SPAG16: variants seen among roughly 807,000 people sequenced by gnomAD.
SPAG16 encodes sperm-associated antigen 16 protein.
Under a neutral mutation model 80.4 loss-of-function variants are expected in SPAG16, and 86 were observed. The ratio of observed to expected loss-of-function variants is 1.07; its 90% CI spans 0.90 to 1.28. The LOEUF (loss-of-function observed/expected upper bound fraction) is 1.28. SPAG16 is among the 50% of genes most tolerant of loss of function. SPAG16 has a pLI of 0.00. For missense variants in SPAG16, 870 were observed against 765.3 expected (o/e 1.14, Z -1.61); for synonymous variants, 294 against 265.9 (o/e 1.11, Z -1.03).
intron 10 of SPAG16, among the ~76,000 whole-genome samples, chr2:213,840,637 G>A (rs1289244491): frequency 1.3e-5 from 2 of 152,108 alleles, no homozygotes; most frequent in East Asian, 1.9e-4. Flanking sequence ...TGTGGGAGAC[G>A]ACCAGTTAGA....
intron 9 of SPAG16, among the ~76,000 whole-genome samples, chr2:213,427,530 T>TTC (rs1483529349): frequency 6.6e-6 from 1 of 152,202 alleles, no homozygotes; most frequent in Non-Finnish European, 1.5e-5. Flanking sequence ...GCTTCTAATT[T>TTC]TCTGGTTCAC....
At chr2:214,340,606 A>G (rs6743075) in intron 15 of SPAG16, among the ~76,000 whole-genome samples, 148,293 of 152,318 alleles carry the variant, frequency 0.97, 72,339 homozygotes, top group Middle Eastern at 1. Context: ...AGCAGGCCTG[A>G]TGTATGTTGC....
intron 15 of SPAG16, among the ~76,000 whole-genome samples, chr2:214,362,643 T>G (rs1699254090): frequency 6.6e-6 from 1 of 151,844 alleles, no homozygotes; most frequent in South Asian, 2.1e-4. Context: ...AATATATGTT[T>G]AACAATTACT....
intron 9 of SPAG16, among the ~76,000 whole-genome samples, chr2:213,404,063 C>G (rs1391407718): frequency 6.6e-6 from 1 of 152,000 alleles, no homozygotes; most frequent in Admixed American, 6.6e-5. Flanking sequence ...AAAGAGGATA[C>G]AAACAAATGG....
At chr2:213,915,235 C>T (rs575389548) in intron 11 of SPAG16, among the ~76,000 whole-genome samples, 1 of 152,030 alleles carries the variant, frequency 6.6e-6, no homozygotes, top group East Asian at 1.9e-4. Flanking sequence ...ACCCATCAAC[C>T]CATCATCTAC....
intron 13 of SPAG16, among the ~76,000 whole-genome samples, chr2:214,092,714 A>G (rs1280890824): frequency 6.6e-6 from 1 of 151,998 alleles, no homozygotes; most frequent in Non-Finnish European, 1.5e-5. Flanking sequence ...CCAACCTTCT[A>G]AACTCAGCTC....
intron 15 of SPAG16, among the ~76,000 whole-genome samples, chr2:214,182,966 G>A (rs1259112005): frequency 6.6e-6 from 1 of 151,944 alleles, no homozygotes; most frequent in Non-Finnish European, 1.5e-5. Flanking sequence ...AGAGGTCATA[G>A]CGATGAAGTG....
intron 13 of SPAG16, among the ~76,000 whole-genome samples, chr2:214,086,537 A>C (rs971498753): frequency 2.6e-5 from 4 of 151,990 alleles, no homozygotes; most frequent in Non-Finnish European, 4.4e-5. Context: ...ATGAGATCTG[A>C]TGGTTTTATA....
intron 15 of SPAG16, among the ~76,000 whole-genome samples, chr2:214,246,280 A>G (rs1689842955): frequency 6.6e-6 from 1 of 152,142 alleles, no homozygotes; most frequent in Admixed American, 6.6e-5. Context: ...GCAGATTCAG[A>G]TTGTATTTTC....
At chr2:213,577,684 A>G (rs1056886497) in intron 10 of SPAG16, among the ~76,000 whole-genome samples, 1 of 152,094 alleles carries the variant, frequency 6.6e-6, no homozygotes, top group African/African-American at 2.4e-5. Flanking sequence ...AATATTTACC[A>G]AGCATACTTT....
intron 13 of SPAG16, among the ~76,000 whole-genome samples, chr2:214,037,730 C>T (rs888250779): frequency 6.6e-6 from 1 of 151,934 alleles, no homozygotes; most frequent in Non-Finnish European, 1.5e-5. Context: ...AGTTGTCATG[C>T]CTATTTTGTG....
At chr2:213,978,964 C>CAGAGAG (rs1252851233) in intron 12 of SPAG16, among the ~76,000 whole-genome samples, 2 of 149,074 alleles carry the variant, frequency 1.3e-5, no homozygotes, top group African/African-American at 4.9e-5. Flanking sequence ...GAAGTAATAA[C>CAGAGAG]AGAGAGAGAG....
At chr2:213,965,936 A>G (rs952121288) in intron 12 of SPAG16, among the ~76,000 whole-genome samples, 9 of 152,208 alleles carry the variant, frequency 5.9e-5, no homozygotes, top group South Asian at 2.1e-4. Context: ...CTTTCATTCT[A>G]TAAGTGAGAT....
chr2:214,329,039 T>G (rs544128298), intron 15 of SPAG16, among the ~76,000 whole-genome samples: 14 of 152,332 alleles, frequency 9.2e-5, no homozygotes, highest in African/African-American at 1.4e-4. Context: ...ATGGTTAGAA[T>G]GTAACTTTGT....
intron 8 of SPAG16, among the ~76,000 whole-genome samples, chr2:213,372,745 T>A (rs1302125629): frequency 6.6e-6 from 1 of 152,114 alleles, no homozygotes; most frequent in Non-Finnish European, 1.5e-5. Flanking sequence ...CTTCAAAACC[T>A]TTTTCAGTTA....
chr2:213,536,982 C>T (rs1204268669), intron 10 of SPAG16, among the ~76,000 whole-genome samples: 1 of 151,798 alleles, frequency 6.6e-6, no homozygotes, highest in Admixed American at 6.6e-5. Flanking sequence ...ACTATGCAGC[C>T]ATAAAAAAGA....
At chr2:213,664,803 A>G (rs2063543434) in intron 10 of SPAG16, among the ~76,000 whole-genome samples, 1 of 150,062 alleles carries the variant, frequency 6.7e-6, no homozygotes. Flanking sequence ...GAAACTTCAT[A>G]TATGTGTGTG....
At chr2:213,356,658 G>C (rs1304278487) in intron 7 of SPAG16, among the ~76,000 whole-genome samples, 1 of 151,852 alleles carries the variant, frequency 6.6e-6, no homozygotes, top group African/African-American at 2.4e-5. Context: ...TATTAGTCTT[G>C]TTAGTGGTCT....
intron 15 of SPAG16, among the ~76,000 whole-genome samples, chr2:214,282,844 A>G (rs1693057510): frequency 6.6e-6 from 1 of 152,170 alleles, no homozygotes; most frequent in Admixed American, 6.5e-5. Flanking sequence ...GACACTATGT[A>G]GGTTTCTTCA....
Sources: gnomAD v4.1 joint callset for allele counts (sites outside exome capture counted in the v4.1 genomes callset) on GRCh38, gnomAD v4.1.1 for gene constraint, MANE v1.5 for transcripts, NCBI Gene and HGNC (gene_info 2026-07-23, HGNC 2026-07-21) for gene names.